Variants in KIF13B observed in about 807,000 individuals in gnomAD.
The protein encoded by KIF13B is kinesin-like protein KIF13B.
In KIF13B, 127 loss-of-function variants were observed where a neutral mutation model predicts 222.0. That is an observed-to-expected ratio of 0.57 (90% CI 0.50 to 0.66). KIF13B has a LOEUF of 0.66. KIF13B is among the 30% of genes least tolerant of loss of function. The pLI is 0.00. For synonymous variants in KIF13B, 976 were observed against 919.0 expected (o/e 1.06, Z -1.12); for missense variants, 2,173 against 2,379.0 (o/e 0.91, Z 1.80).
At chr8:29,175,452 G>A (rs1812435508) in intron 10 of KIF13B, among the ~76,000 whole-genome samples, 1 of 152,138 alleles carries the variant, frequency 6.6e-6, no homozygotes, top group Non-Finnish European at 1.5e-5. Flanking sequence ...TAAAATGGAG[G>A]CTACGTTCTT....
At chr8:29,205,114 A>G (rs985764649) in intron 2 of KIF13B, among the ~76,000 whole-genome samples, 2 of 152,094 alleles carry the variant, frequency 1.3e-5, no homozygotes, top group African/African-American at 4.8e-5. Flanking sequence ...GCTTCAGCCC[A>G]GGAGATGGAG....
chr8:29,202,395 G>C (rs1813734445), intron 2 of KIF13B, among the ~76,000 whole-genome samples: 1 of 152,178 alleles, frequency 6.6e-6, no homozygotes, highest in Non-Finnish European at 1.5e-5. Flanking sequence ...TTGGCTCACT[G>C]TAATCTCTGC....
chr8:29,111,864 G>A (rs898932244), intron 32 of KIF13B, among the ~76,000 whole-genome samples: 2 of 152,218 alleles, frequency 1.3e-5, no homozygotes, highest in African/African-American at 4.8e-5. Context: ...GCTAGACATA[G>A]ATGTATACTT....
intron 4 of KIF13B, among the ~76,000 whole-genome samples, chr8:29,189,126 C>T (rs1206580570): frequency 3.3e-5 from 5 of 152,098 alleles, no homozygotes; most frequent in African/African-American, 1.2e-4. Context: ...ACATAAAGAA[C>T]AGAGTCAAAT....
At chr8:29,096,731 TG>T (rs1325693336) in intron 36 of KIF13B, among the ~76,000 whole-genome samples, 2 of 151,978 alleles carry the variant, frequency 1.3e-5, no homozygotes, top group Admixed American at 6.6e-5. Flanking sequence ...CCTGTATTTG[TG>T]AGGTGAGGGG....
chr8:29,258,126 G>C (rs536809095), intron 1 of KIF13B, among the ~76,000 whole-genome samples: 2 of 152,304 alleles, frequency 1.3e-5, no homozygotes, highest in African/African-American at 4.8e-5. Flanking sequence ...GAATACTGAA[G>C]AATCACCAAT....
chr8:29,120,165 AGTTTT>A, intron 29 of KIF13B, among the ~76,000 whole-genome samples: 1 of 103,674 alleles, frequency 9.6e-6, no homozygotes, highest in Non-Finnish European at 1.9e-5. Context: ...GAAAAATGAC[AGTTTT>A]TTTTTTTTTT....
At position 29,071,543 on chromosome 8, in the gene KIF13B, C is replaced by A; in HGVS notation, c.5218+77G>T. On this transcript the variant is annotated intron_variant, in intron 39 of 39. Coordinates refer to ENST00000524189, the MANE Select transcript of KIF13B (RefSeq NM_015254.4). The surrounding 1 kb of genome is among the most constrained non-coding windows in gnomAD (Gnocchi z 4.9). ...CCTCCCTCTCCTGCCCGGACCCTGT[C>A]CCCTCCCAGGCCGGCCACGTTCCTG... The A allele has an allele frequency of 7.5e-7, 1 of 1,326,260 alleles. No homozygotes were observed. Among genetic ancestry groups the A allele is most frequent in the Non-Finnish European group, 1.0e-6 (1 of 957,204 alleles). 82.2% of individuals were successfully genotyped at this position (1,326,260 alleles called of 1,614,324 possible).
chr8:29,191,310 C>G (rs546263672), intron 3 of KIF13B, among the ~76,000 whole-genome samples: 5 of 152,194 alleles, frequency 3.3e-5, no homozygotes, highest in Admixed American at 2.6e-4. Flanking sequence ...TACAGTCACA[C>G]ACACAGAATT....
At chr8:29,122,216 T>G (rs1289935363) in intron 29 of KIF13B, among the ~76,000 whole-genome samples, 1 of 152,118 alleles carries the variant, frequency 6.6e-6, no homozygotes, top group East Asian at 1.9e-4. Context: ...ATCACACCAC[T>G]GCACTCCAGC....
At chr8:29,240,610 T>C (rs918467529) in intron 2 of KIF13B, among the ~76,000 whole-genome samples, 7 of 152,262 alleles carry the variant, frequency 4.6e-5, no homozygotes, top group Non-Finnish European at 8.8e-5. Flanking sequence ...TTAAAATAAG[T>C]AAGTACTGCT....
chr8:29,123,468 C>T lies in KIF13B; in HGVS notation c.3377G>A (p.Arg1126His), dbSNP rs778861935. The change falls in exon 28 of 40, where the codon CGT (arginine) becomes CAT (histidine). Residue 1126 changes from arginine to histidine, a missense_variant. Around this residue, in one of 2 missense-constraint regions of KIF13B, gnomAD observed 1,480 missense variants for 1,722.8 expected, o/e 0.86. Coordinates refer to ENST00000524189, the MANE Select transcript of KIF13B (RefSeq NM_015254.4). ...CCGCATCTCCAGAAGCTGCGCTTCA[C>T]GGTCAGCATCATCCTCTGTTTTATC... ...KRDKTEDDAD[R>H]EAQLLEMRLT... 3.5e-5 allele frequency: 56 copies of T among 1,614,014 alleles called. No homozygotes were observed. Among genetic ancestry groups the T allele is most frequent in the South Asian group, 9.9e-5 (9 of 91,090 alleles).
chr8:29,108,962 T>A (rs552998404), intron 34 of KIF13B, among the ~76,000 whole-genome samples: 67 of 152,336 alleles, frequency 4.4e-4, no homozygotes, highest in Non-Finnish European at 9.4e-4. Context: ...TATAGGTTTT[T>A]AAAAACAACA....
chr8:29,161,404 G>A (rs1003536002), intron 12 of KIF13B, among the ~76,000 whole-genome samples: 16 of 152,182 alleles, frequency 1.1e-4, no homozygotes, highest in Admixed American at 9.8e-4. Flanking sequence ...GTCCTTGAGA[G>A]TGCTAAGAAT....
intron 12 of KIF13B, among the ~76,000 whole-genome samples, chr8:29,164,144 C>A (rs951899085): frequency 2.0e-5 from 3 of 152,108 alleles, no homozygotes; most frequent in Non-Finnish European, 4.4e-5. Context: ...TTGAAAATGT[C>A]TGCAATAAAA....
intron 36 of KIF13B, among the ~76,000 whole-genome samples, chr8:29,093,610 A>G (rs923002908): frequency 1.1e-4 from 16 of 152,222 alleles, no homozygotes; most frequent in Non-Finnish European, 1.5e-4. Flanking sequence ...GCCTCAACAG[A>G]TGCACACAAC....
intron 19 of KIF13B, 66 bp from the exon 20 acceptor site, chr8:29,140,683 G>T: frequency 7.4e-7 from 1 of 1,345,360 alleles, no homozygotes; most frequent in Non-Finnish European, 1.0e-6. Context: ...TCAACCTACT[G>T]CTTTTTGATG....
Position 29,071,663 on chromosome 8 carries a change from G to A in KIF13B, c.5175C>T (p.Phe1725=), listed in dbSNP as rs1401998179. Residue 1725 remains phenylalanine (F), a synonymous_variant, in exon 39 of 40, where the codon TTC becomes TTT. Coordinates refer to ENST00000524189, the MANE Select transcript of KIF13B (RefSeq NM_015254.4). This position sits in a 1 kb window ranked among gnomAD's most constrained non-coding sequence, Gnocchi z 4.9. Reference sequence around the variant, plus strand: ...CCACGCCGACCCACGTGCCCTCTTGGAAGTCGGCAGGCCCCACGTATCTCA... The same window carrying A: ...CCACGCCGACCCACGTGCCCTCTTGAAAGTCGGCAGGCCCCACGTATCTCA... The part of the protein sequence containing the change: ...GVVRYVGPAD[F]QEGTWVGVEL... The A allele has an allele frequency of 1.2e-5, 18 of 1,555,306 alleles. No individual in the cohort carries two copies. The highest frequency in any genetic ancestry group is 1.6e-5 in the Non-Finnish European group (18 of 1,149,982).
rs752432739 is a variant in KIF13B, at chr8:29,140,146, C to T, written c.2530G>A (p.Val844Ile). The T allele has an allele frequency of 6.2e-7, 1 of 1,613,830 alleles. No individual in the cohort carries two copies. Among genetic ancestry groups the T allele is most frequent in the Non-Finnish European group, 8.5e-7 (1 of 1,179,868 alleles). ...TCGCCTCCTGCGATCCTCTCCCCAA[C>T]ATCACCACTGAGTCGCATCACCTCC... ...HVEVMRLSGD[V>I]GERIAGGDEV... Residue 844 changes from valine to isoleucine, a missense_variant, in exon 21 of 40, where the codon GTT becomes ATT. Physicochemically the swap from Val to Ile is conservative, Grantham distance 29 (BLOSUM62 3). This residue lies in a region of KIF13B where 1,480 missense variants were observed against 1,722.8 expected (regional missense o/e 0.86). Transcript: ENST00000524189.
Sources: gnomAD v4.1 joint callset for allele counts (sites outside exome capture counted in the v4.1 genomes callset) on GRCh38, gnomAD v4.1.1 for gene constraint, gnomAD v4.1.1 regional missense constraint, Gnocchi (gnomAD v3.1) non-coding constraint, MANE v1.5 for transcripts, NCBI Gene and HGNC (gene_info 2026-07-23, HGNC 2026-07-21) for gene names.